The following RBFOX3 variants were observed in gnomAD, a reference collection of about 807,000 sequenced individuals.
RBFOX3 encodes RNA binding fox-1 homolog 3, also known as RNA binding protein fox-1 homolog 3.
RBFOX3 carries 17 observed loss-of-function variants against 48.7 expected under a neutral mutation model. The observed-to-expected ratio is 0.35, with a 90% CI of 0.24 to 0.52. RBFOX3 has a LOEUF of 0.52. Among genes scored for constraint, RBFOX3 ranks in the 20% least tolerant of loss-of-function variants. The probability of loss-of-function intolerance (pLI) is 0.94; values close to 1 mark genes in which losing one functional copy is unlikely to be tolerated. For synonymous variants in RBFOX3, 212 were observed against 209.5 expected, an observed-to-expected ratio of 1.01 and a Z score of -0.10; for missense variants, 382 against 497.5, an observed-to-expected ratio of 0.77 and a Z score of 2.21.
intron 1 of RBFOX3, among the ~76,000 whole-genome samples, chr17:79,522,449 C>T (rs931974116): frequency 3.9e-5 from 6 of 152,258 alleles, no homozygotes; most frequent in African/African-American, 1.2e-4. Flanking sequence ...CCATCCCCAC[C>T]GCACACCACC....
At chr17:79,146,642 T>G (rs115253743) in intron 4 of RBFOX3, among the ~76,000 whole-genome samples, 1 of 152,132 alleles carries the variant, frequency 6.6e-6, no homozygotes. Context: ...GAGGGGCTGG[T>G]CTGTGTGTGA....
At chr17:79,179,147 A>G (rs2146010577) in intron 4 of RBFOX3, among the ~76,000 whole-genome samples, 1 of 152,334 alleles carries the variant, frequency 6.6e-6, no homozygotes, top group East Asian at 1.9e-4. Context: ...ATTAATCCTG[A>G]TTAAAAATGC....
intron 2 of RBFOX3, among the ~76,000 whole-genome samples, chr17:79,401,308 G>A (rs543181734): frequency 6.6e-6 from 1 of 152,340 alleles, no homozygotes; most frequent in African/African-American, 2.4e-5. Flanking sequence ...CGCCCCACCA[G>A]GTGGTAGAAC....
At chr17:79,282,693 C>T (rs548069641) in intron 3 of RBFOX3, among the ~76,000 whole-genome samples, 17 of 152,368 alleles carry the variant, frequency 1.1e-4, no homozygotes, top group South Asian at 6.2e-4. Flanking sequence ...GCCACGCATC[C>T]GCCTGGACCC....
At chr17:79,326,109 T>A (rs1693561840) in intron 2 of RBFOX3, among the ~76,000 whole-genome samples, 1 of 152,096 alleles carries the variant, frequency 6.6e-6, no homozygotes, top group African/African-American at 2.4e-5. Flanking sequence ...ATTACATACT[T>A]CTGGGGCGGT....
chr17:79,559,906 G>C (rs2092089370), intron 1 of RBFOX3, among the ~76,000 whole-genome samples: 1 of 144,164 alleles, frequency 6.9e-6, no homozygotes, highest in Non-Finnish European at 1.5e-5. Context: ...GGGTGGGTGG[G>C]TGAGTGGATG....
chr17:79,483,065 A>G (rs2078996643), intron 1 of RBFOX3, among the ~76,000 whole-genome samples: 1 of 152,016 alleles, frequency 6.6e-6, no homozygotes, highest in African/African-American at 2.4e-5. Context: ...TCATCAGATG[A>G]TGTCACTGTC....
chr17:79,096,531 G>A (rs1451448753), intron 12 of RBFOX3, 122 bp downstream of exon 12: 1 of 858,144 alleles, frequency 1.2e-6, no homozygotes, highest in East Asian at 2.7e-5. Context: ...TCGCCCTCCT[G>A]GCTTCAAGGG....
chr17:79,192,646 G>A (rs1186169470), intron 4 of RBFOX3, among the ~76,000 whole-genome samples: 1 of 152,168 alleles, frequency 6.6e-6, no homozygotes, highest in Non-Finnish European at 1.5e-5. Flanking sequence ...CGGAACGAGA[G>A]CTGGAAGGAC....
chr17:79,475,215 G>A (rs1168525294), intron 2 of RBFOX3, among the ~76,000 whole-genome samples: 2 of 152,142 alleles, frequency 1.3e-5, no homozygotes, highest in Non-Finnish European at 2.9e-5. Context: ...TCTCCACTAG[G>A]TCTGTGGACG....
At chr17:79,521,251 C>T (rs1382842000) in intron 1 of RBFOX3, among the ~76,000 whole-genome samples, 1 of 150,722 alleles carries the variant, frequency 6.6e-6, no homozygotes, top group Non-Finnish European at 1.5e-5. Context: ...CCCAGGCACA[C>T]ACACACTCAC....
chr17:79,419,891 C>T (rs919760328), intron 2 of RBFOX3, among the ~76,000 whole-genome samples: 2 of 152,098 alleles, frequency 1.3e-5, no homozygotes, highest in African/African-American at 2.4e-5. Flanking sequence ...CTTTGGGAGG[C>T]CGAGGCAGGC....
intron 4 of RBFOX3, among the ~76,000 whole-genome samples, chr17:79,206,322 G>A (rs1444797117): frequency 6.6e-6 from 1 of 152,184 alleles, no homozygotes; most frequent in Non-Finnish European, 1.5e-5. Context: ...TCCGTTTTGA[G>A]TAGGTCCCAG....
intron 2 of RBFOX3, among the ~76,000 whole-genome samples, chr17:79,433,510 A>C (rs1226185818): frequency 6.6e-6 from 1 of 152,226 alleles, no homozygotes; most frequent in Non-Finnish European, 1.5e-5. Context: ...GACAATGTAC[A>C]CACAGGCTCC....
At chr17:79,167,298 C>T (rs1198191376) in intron 4 of RBFOX3, among the ~76,000 whole-genome samples, 2 of 151,876 alleles carry the variant, frequency 1.3e-5, no homozygotes, top group Admixed American at 6.5e-5. Context: ...TCCCCAGGGT[C>T]TCCATCAGGC....
At chr17:79,124,589 A>G (rs7222155) in intron 4 of RBFOX3, among the ~76,000 whole-genome samples, 52,014 of 152,116 alleles carry the variant, frequency 0.34, 9,133 homozygotes, top group African/African-American at 0.38. Flanking sequence ...GTCTGGCAAA[A>G]GTGAACCAGG....
At chr17:79,264,286 G>A (rs2066301061) in intron 3 of RBFOX3, among the ~76,000 whole-genome samples, 1 of 152,042 alleles carries the variant, frequency 6.6e-6, no homozygotes, top group East Asian at 1.9e-4. Context: ...ATGTTGACCA[G>A]GCTGGTCTCG....
At chr17:79,348,777 A>C (rs2083351971) in intron 2 of RBFOX3, among the ~76,000 whole-genome samples, 1 of 151,450 alleles carries the variant, frequency 6.6e-6, no homozygotes, top group South Asian at 2.1e-4. Flanking sequence ...ACGGGGTTTC[A>C]CCATGTTGGC....
intron 4 of RBFOX3, among the ~76,000 whole-genome samples, chr17:79,179,999 A>C (rs2051519340): frequency 6.6e-6 from 1 of 152,204 alleles, no homozygotes; most frequent in African/African-American, 2.4e-5. Flanking sequence ...GCATGAAGTG[A>C]GTGTGGCCCA....
Sources: allele counts gnomAD v4.1 joint callset (sites outside exome capture counted in the v4.1 genomes callset), GRCh38; gene constraint gnomAD v4.1.1; transcripts MANE v1.5; gene names NCBI Gene and HGNC (gene_info 2026-07-23, HGNC 2026-07-21).